The following PALS1 variants were observed in gnomAD, a reference collection of about 807,000 sequenced individuals.
PALS1 encodes protein PALS1.
Under a neutral mutation model 78.9 loss-of-function variants are expected in PALS1, and 31 were observed. The observed-to-expected ratio is 0.39, with a 90% CI of 0.30 to 0.53. The LOEUF (loss-of-function observed/expected upper bound fraction) is 0.53, where lower values mean the gene tolerates loss of function less well. Among genes scored for constraint, PALS1 ranks in the 20% least tolerant of loss-of-function variants. PALS1 has a pLI of 0.67. For missense variants in PALS1, 704 were observed against 826.5 expected (o/e 0.85, Z 1.82); for synonymous variants, 276 against 270.9 (o/e 1.02, Z -0.18).
intron 1 of PALS1, among the ~76,000 whole-genome samples, chr14:67,268,650 C>T (rs191534394): frequency 8.5e-5 from 13 of 152,296 alleles, no homozygotes; most frequent in Admixed American, 3.9e-4. Context: ...CTGGCAGGAG[C>T]GTCTTTTAGC....
In PALS1 at chr14:67,302,446, A is replaced by G. The variant is rs201187719; in HGVS notation, c.838A>G (p.Ile280Val). 1 of 1,599,080 alleles carries G rather than the reference A, an allele frequency of 6.3e-7. No homozygotes were observed. The highest frequency in any genetic ancestry group is 1.3e-5 in the African/African-American group (1 of 74,318). ...TVRNEMDSVIISRIVKGGAAE... is the reference protein window; with the variant it reads ...TVRNEMDSVIVSRIVKGGAAE... ...TCGTAATGAAATGGACTCTGTCATC[A>G]TTAGCCGGATAGTAAAAGGGGGTGC... The change falls in exon 7 of 15, where the codon ATT (isoleucine) becomes GTT (valine). Residue 280 changes from isoleucine to valine, a missense_variant. Physicochemically the swap from Ile to Val is conservative, Grantham distance 29. Transcript: ENST00000261681.
intron 1 of PALS1, among the ~76,000 whole-genome samples, chr14:67,248,800 A>G (rs1249870727): frequency 6.6e-6 from 1 of 152,112 alleles, no homozygotes; most frequent in East Asian, 1.9e-4. Flanking sequence ...TGACCTCTGG[A>G]CTTAGTTTAC....
chr14:67,282,615 G>C (rs570759511), intron 3 of PALS1, among the ~76,000 whole-genome samples: 1 of 152,216 alleles, frequency 6.6e-6, no homozygotes, highest in East Asian at 1.9e-4. Context: ...TTTAAAAGCA[G>C]TTAGAATTTT....
At chr14:67,309,443 A>G (rs2085055644) in intron 8 of PALS1, among the ~76,000 whole-genome samples, 1 of 152,212 alleles carries the variant, frequency 6.6e-6, no homozygotes, top group South Asian at 2.1e-4. Flanking sequence ...TTAGGAAAGT[A>G]AGAGCTTTTT....
At chr14:67,252,563 G>A (rs1348445937) in intron 1 of PALS1, among the ~76,000 whole-genome samples, 3 of 152,156 alleles carry the variant, frequency 2.0e-5, no homozygotes, top group Non-Finnish European at 2.9e-5. Context: ...TGAAGTCTGG[G>A]GCAGTCTTTT....
At chr14:67,314,832 T>C (rs2085143684) in intron 9 of PALS1, among the ~76,000 whole-genome samples, 1 of 152,246 alleles carries the variant, frequency 6.6e-6, no homozygotes, top group Admixed American at 6.5e-5. Flanking sequence ...GGCTCACACC[T>C]GTAATCCCAG....
At chr14:67,299,205 T>G (rs867451501) in intron 4 of PALS1, among the ~76,000 whole-genome samples, 32 of 152,226 alleles carry the variant, frequency 2.1e-4, no homozygotes, top group African/African-American at 7.0e-4. Context: ...CTATCTTTTG[T>G]GAAATATCCG....
chr14:67,290,707 A>AT (rs2084758214), intron 3 of PALS1, among the ~76,000 whole-genome samples: 3 of 150,688 alleles, frequency 2.0e-5, no homozygotes, highest in Non-Finnish European at 4.4e-5. Flanking sequence ...CATTTTTTAT[A>AT]TTTTTTTAGT....
At chr14:67,280,365 G>A (rs2084584829) in intron 3 of PALS1, among the ~76,000 whole-genome samples, 1 of 152,104 alleles carries the variant, frequency 6.6e-6, no homozygotes. Context: ...TTTTAGGTGT[G>A]AAAAAAGATA....
intron 2 of PALS1, among the ~76,000 whole-genome samples, chr14:67,273,584 T>C (rs80232110): frequency 0.15 from 23,528 of 152,112 alleles, 3,441 homozygotes; most frequent in East Asian, 0.42. Flanking sequence ...AGTCAACATA[T>C]GTGTGCATGT....
In PALS1 at chr14:67,298,756, ACTG is replaced by A; in HGVS notation, c.577-2630_577-2628del. 5.3e-5 allele frequency among the ~76,000 whole-genome samples: 8 copies of A among 152,322 alleles called. 1 individual carries two copies. The highest frequency in any genetic ancestry group is 5.2e-4 in the Admixed American group (8 of 15,290). On this transcript the variant is annotated intron_variant, in intron 4 of 14. Transcript: ENST00000261681. Reference sequence around the variant, plus strand: ...TATATGTACATCTGTAAAACATACAACTGCTATCAAGTTGTAGAAGCATCCATC... The same window carrying A: ...TATATGTACATCTGTAAAACATACAACTATCAAGTTGTAGAAGCATCCATC...
chr14:67,306,267 G>T (rs1413067422), intron 8 of PALS1, among the ~76,000 whole-genome samples: 1 of 151,890 alleles, frequency 6.6e-6, no homozygotes, highest in Non-Finnish European at 1.5e-5. Flanking sequence ...ACCGAACCCG[G>T]CCTATTTTCA....
chr14:67,308,954 C>G (rs1201613367), intron 8 of PALS1, among the ~76,000 whole-genome samples: 1 of 151,674 alleles, frequency 6.6e-6, no homozygotes, highest in Non-Finnish European at 1.5e-5. Context: ...ATCCCTGTAC[C>G]CTATCCCCAT....
rs1281344263 is a variant in PALS1 at position 67,329,880 on chromosome 14, A to AAATAAATT, written c.1852-2900_1852-2899insAATAAATT. ...TAAATAAATAAATAAATAAATAAAT[A>AAATAAATT]GATATAGAAACTAAGAAGATGATGG... On this transcript the variant is annotated intron_variant, in intron 14 of 14. Transcript: ENST00000261681. Among the ~76,000 whole-genome samples, 65 of 89,670 alleles carry AAATAAATT rather than the reference A, an allele frequency of 7.2e-4. 1 individual carries two copies. Among genetic ancestry groups the AAATAAATT allele is most frequent in the African/African-American group, 5.3e-3 (56 of 10,602 alleles). 58.8% of individuals were successfully genotyped at this position (89,670 alleles called of 152,430 possible).
intron 2 of PALS1, among the ~76,000 whole-genome samples, chr14:67,274,838 A>G (rs1338976925): frequency 6.6e-6 from 1 of 152,164 alleles, no homozygotes; most frequent in Non-Finnish European, 1.5e-5. Flanking sequence ...GGTCCTTCAC[A>G]TCCCTTGTAA....
intron 14 of PALS1, among the ~76,000 whole-genome samples, chr14:67,327,596 C>T (rs144970209): frequency 0.016 from 2,420 of 152,034 alleles, 69 homozygotes; most frequent in African/African-American, 0.054. Context: ...CCCGTTAACT[C>T]GTCATTTACA....
chr14:67,312,177 T>C (rs1169027542), intron 8 of PALS1: 2 of 161,660 alleles, frequency 1.2e-5, no homozygotes, highest in African/African-American at 2.4e-5. Flanking sequence ...GATATCCTTG[T>C]ACATATCTGC....
rs907247565 is a variant in PALS1 at position 67,333,693 on chromosome 14, T to C, written c.*737T>C. On this transcript the variant is annotated 3_prime_UTR_variant, in exon 15 of 15. Transcript: ENST00000261681. ...TTTTTTAAATTATGATTTCCTGAAT[T>C]TTTTTCTTAAGTCGTCTCAACTGAT... 2 of 152,572 alleles carry C rather than the reference T, an allele frequency of 1.3e-5. No homozygotes were observed. The highest frequency in any genetic ancestry group is 3.9e-4 in the East Asian group (2 of 5,190). 9.5% of individuals were successfully genotyped at this position (152,572 alleles called of 1,614,324 possible).
chr14:67,252,865 C>T (rs1241400175), intron 1 of PALS1, among the ~76,000 whole-genome samples: 1 of 152,170 alleles, frequency 6.6e-6, no homozygotes, highest in Non-Finnish European at 1.5e-5. Flanking sequence ...GATAATTTGA[C>T]ATTTGAAACA....
Sources: allele counts gnomAD v4.1 joint callset (sites outside exome capture counted in the v4.1 genomes callset), GRCh38; gene constraint gnomAD v4.1.1; transcripts MANE v1.5; gene names NCBI Gene and HGNC (gene_info 2026-07-23, HGNC 2026-07-21).